SLCO3A1: variants seen among roughly 807,000 people sequenced by gnomAD.
SLCO3A1 encodes PGE1 transporter.
SLCO3A1 carries 27 observed loss-of-function variants against 63.1 expected under a neutral mutation model. That is an observed-to-expected ratio of 0.43 (90% CI 0.32 to 0.59). The LOEUF (loss-of-function observed/expected upper bound fraction) is 0.59. Ranked by LOEUF, SLCO3A1 falls within the 20% of genes least tolerant of loss-of-function variation. The probability of loss-of-function intolerance (pLI) is 0.09; values close to 1 mark genes in which losing one functional copy is unlikely to be tolerated. For missense variants in SLCO3A1, 773 were observed against 945.8 expected, an observed-to-expected ratio of 0.82 and a Z score of 2.40; for synonymous variants, 473 against 409.9, an observed-to-expected ratio of 1.15 and a Z score of -1.86.
chr15:92,076,727 G>T (rs1457556232), intron 2 of SLCO3A1, among the ~76,000 whole-genome samples: 1 of 152,210 alleles, frequency 6.6e-6, no homozygotes, highest in Non-Finnish European at 1.5e-5. Flanking sequence ...GAGGCCCTGA[G>T]CCAGGTCCCC....
chr15:91,899,048 A>G (rs1752317340), intron 1 of SLCO3A1, among the ~76,000 whole-genome samples: 1 of 152,202 alleles, frequency 6.6e-6, no homozygotes, highest in South Asian at 2.1e-4. Flanking sequence ...GAGCAATTCA[A>G]AACTCCTTGG....
At chr15:92,065,383 C>G (rs574743412) in intron 2 of SLCO3A1, among the ~76,000 whole-genome samples, 1 of 152,150 alleles carries the variant, frequency 6.6e-6, no homozygotes. Context: ...CCACCACACC[C>G]GGCCATTTAC....
chr15:92,033,751 G>T lies in SLCO3A1; in HGVS notation c.647-61130G>T, dbSNP rs534014616. On this transcript the variant is annotated intron_variant, in intron 2 of 9. Coordinates refer to ENST00000318445, the MANE Select transcript of SLCO3A1 (RefSeq NM_013272.4). This position sits in a 1 kb window ranked among gnomAD's most constrained non-coding sequence, Gnocchi z 4.5. Reference sequence around the variant, plus strand: ...AAAGACGGGGATAGGAGTGTTGGGAGTCGTACAGTTTTAGTGTCAGAGGGG... The same window carrying T: ...AAAGACGGGGATAGGAGTGTTGGGATTCGTACAGTTTTAGTGTCAGAGGGG... 6.6e-6 allele frequency among the ~76,000 whole-genome samples: 1 copy of T among 152,178 alleles called. No individual in the cohort carries two copies. Among genetic ancestry groups the T allele is most frequent in the Non-Finnish European group, 1.5e-5 (1 of 68,036 alleles).
chr15:92,087,176 C>G (rs1203421090), intron 2 of SLCO3A1, among the ~76,000 whole-genome samples: 2 of 151,184 alleles, frequency 1.3e-5, no homozygotes, highest in Non-Finnish European at 2.9e-5. Flanking sequence ...CGCCCACCGC[C>G]TATAGTTGCA....
intron 2 of SLCO3A1, among the ~76,000 whole-genome samples, chr15:91,926,459 A>G (rs1899013555): frequency 6.6e-6 from 1 of 151,894 alleles, no homozygotes; most frequent in Non-Finnish European, 1.5e-5. Context: ...AAGGTACCTT[A>G]ACTCCCTCAA....
chr15:92,060,341 T>G (rs2047071499), intron 2 of SLCO3A1, among the ~76,000 whole-genome samples: 1 of 152,006 alleles, frequency 6.6e-6, no homozygotes, highest in Admixed American at 6.6e-5. Context: ...AGGCAGATCA[T>G]TTGAGGTCAG....
chr15:92,097,620 C>T (rs1004530328), intron 3 of SLCO3A1, among the ~76,000 whole-genome samples: 2 of 152,182 alleles, frequency 1.3e-5, no homozygotes, highest in African/African-American at 4.8e-5. Flanking sequence ...GTGTGGGCAT[C>T]TCGCTGATGA....
At chr15:92,145,416 G>A (rs1382877135) in intron 7 of SLCO3A1, among the ~76,000 whole-genome samples, 1 of 131,926 alleles carries the variant, frequency 7.6e-6, no homozygotes, top group Non-Finnish European at 1.7e-5. Flanking sequence ...AAAGCTGTAT[G>A]CTTAGTTTCA....
At chr15:92,035,751 A>G (rs2046717939) in intron 2 of SLCO3A1, among the ~76,000 whole-genome samples, 1 of 151,742 alleles carries the variant, frequency 6.6e-6, no homozygotes, top group Non-Finnish European at 1.5e-5. Context: ...GTCTCCATCC[A>G]GTGTTACTTC....
chr15:92,023,132 A>C (rs1290174226), intron 2 of SLCO3A1, among the ~76,000 whole-genome samples: 1 of 152,198 alleles, frequency 6.6e-6, no homozygotes, highest in African/African-American at 2.4e-5. Context: ...TAGCTTCTTC[A>C]AGTGTGGCAG....
chr15:91,868,885 T>G (rs1385917674), intron 1 of SLCO3A1, among the ~76,000 whole-genome samples: 1 of 152,214 alleles, frequency 6.6e-6, no homozygotes, highest in African/African-American at 2.4e-5. Flanking sequence ...GGCTTTTCTG[T>G]AACATCAGAT....
intron 5 of SLCO3A1, among the ~76,000 whole-genome samples, chr15:92,121,311 C>T (rs994733160): frequency 2.6e-5 from 4 of 152,192 alleles, no homozygotes; most frequent in African/African-American, 9.7e-5. Flanking sequence ...CAGGAAGCTG[C>T]ATTTGTTGAG....
At chr15:92,127,362 A>G (rs1188147767) in intron 6 of SLCO3A1, among the ~76,000 whole-genome samples, 1 of 57,948 alleles carries the variant, frequency 1.7e-5, no homozygotes, top group East Asian at 5.4e-4. Flanking sequence ...AGAAAAGTGT[A>G]TATCCTACAT....
chr15:92,129,316 C>T (rs1255062405), intron 7 of SLCO3A1, among the ~76,000 whole-genome samples: 1 of 152,136 alleles, frequency 6.6e-6, no homozygotes, highest in African/African-American at 2.4e-5. Context: ...TTCTAGGTGC[C>T]ACGTGTCTTC....
intron 2 of SLCO3A1, among the ~76,000 whole-genome samples, chr15:92,017,029 C>T (rs1479843638): frequency 2.0e-5 from 3 of 152,080 alleles, no homozygotes; most frequent in Non-Finnish European, 4.4e-5. Flanking sequence ...ACTCAACACC[C>T]ACTTTTGATG....
intron 2 of SLCO3A1, among the ~76,000 whole-genome samples, chr15:91,938,756 C>T (rs1297177499): frequency 6.6e-6 from 1 of 152,194 alleles, no homozygotes; most frequent in Non-Finnish European, 1.5e-5. Flanking sequence ...ATGCTCTTCA[C>T]CTCAGTGATT....
Position 92,157,938 on chromosome 15 carries a change from G to A in SLCO3A1, c.1754-4818G>A, listed in dbSNP as rs374712874. 3.3e-5 allele frequency among the ~76,000 whole-genome samples: 5 copies of A among 152,240 alleles called. No individual in the cohort carries two copies. The East Asian group carries it at 5.8e-4, about 18-fold the overall frequency. On this transcript the variant is annotated intron_variant, in intron 9 of 9. Coordinates refer to ENST00000318445, the MANE Select transcript of SLCO3A1 (RefSeq NM_013272.4). ...GTGAATCACACAGTTCCCAAGTGGCGGAATTAGAATCCAAGATCAGCTGTC... is the reference window on the plus strand; with the variant it reads ...GTGAATCACACAGTTCCCAAGTGGCAGAATTAGAATCCAAGATCAGCTGTC...
intron 2 of SLCO3A1, among the ~76,000 whole-genome samples, chr15:92,012,702 A>G (rs1027926809): frequency 6.7e-6 from 1 of 150,276 alleles, no homozygotes; most frequent in African/African-American, 2.5e-5. Context: ...CATGAGTTCA[A>G]GGTCAGCCTG....
At chr15:92,026,584 TTTCTGCTTTCCGTTTTCTTCA>T (rs2046576537) in intron 2 of SLCO3A1, among the ~76,000 whole-genome samples, 1 of 152,214 alleles carries the variant, frequency 6.6e-6, no homozygotes, top group South Asian at 2.1e-4. Flanking sequence ...GGTTCTATGA[TTTCTGCTTTCCGTTTTCTTCA>T]GAGAATTTGA....
Sources: gnomAD v4.1 joint callset for allele counts (sites outside exome capture counted in the v4.1 genomes callset) on GRCh38, gnomAD v4.1.1 for gene constraint, Gnocchi (gnomAD v3.1) non-coding constraint, MANE v1.5 for transcripts, NCBI Gene and HGNC (gene_info 2026-07-23, HGNC 2026-07-21) for gene names.